UNC5C: variants seen among roughly 807,000 people sequenced by gnomAD.
UNC5C encodes netrin receptor UNC5C.
In UNC5C, 47 loss-of-function variants were observed where a neutral mutation model predicts 99.8. The ratio of observed to expected loss-of-function variants is 0.47; its 90% CI spans 0.37 to 0.60. The LOEUF (loss-of-function observed/expected upper bound fraction) is 0.60. Ranked by LOEUF, UNC5C falls within the 20% of genes least tolerant of loss-of-function variation. The probability of loss-of-function intolerance (pLI) is 0.00; values close to 1 mark genes in which losing one functional copy is unlikely to be tolerated. For missense variants in UNC5C, 1,062 were observed against 1,165.9 expected, an observed-to-expected ratio of 0.91 and a Z score of 1.30; for synonymous variants, 487 against 452.2, an observed-to-expected ratio of 1.08 and a Z score of -0.98.
At chr4:95,335,341 T>C in intron 2 of UNC5C, 69 bp downstream of exon 2, 1 of 1,347,784 alleles carries the variant, frequency 7.4e-7, no homozygotes, top group East Asian at 2.3e-5. Context: ...GAAATAACAG[T>C]ATGTCCACAT....
At chr4:95,520,774 A>AT (rs1284312528) in intron 1 of UNC5C, among the ~76,000 whole-genome samples, 8 of 151,192 alleles carry the variant, frequency 5.3e-5, no homozygotes, top group Non-Finnish European at 1.2e-4. Flanking sequence ...AATTTTTTGT[A>AT]TTTTTTTAGT....
chr4:95,275,259 A>G (rs939309560), intron 4 of UNC5C, among the ~76,000 whole-genome samples: 2 of 152,164 alleles, frequency 1.3e-5, no homozygotes, highest in Non-Finnish European at 2.9e-5. Context: ...CATACCCCAC[A>G]GTGCCAAGAA....
chr4:95,405,082 G>A (rs748940023), intron 1 of UNC5C, among the ~76,000 whole-genome samples: 13 of 152,132 alleles, frequency 8.5e-5, no homozygotes, highest in South Asian at 2.1e-4. Context: ...CGAATCTTCC[G>A]GGATGCTGGA....
chr4:95,231,078 T>C (rs572696137), intron 7 of UNC5C, among the ~76,000 whole-genome samples: 1 of 152,304 alleles, frequency 6.6e-6, no homozygotes, highest in African/African-American at 2.4e-5. Flanking sequence ...AAATGAAATC[T>C]GAAATATCTT....
intron 3 of UNC5C, among the ~76,000 whole-genome samples, chr4:95,292,918 G>T (rs1379531571): frequency 6.6e-6 from 1 of 152,164 alleles, no homozygotes; most frequent in Non-Finnish European, 1.5e-5. Flanking sequence ...CTCTGTCCTT[G>T]TGAAGCTTAC....
chr4:95,489,852 C>T (rs1578191850), intron 1 of UNC5C, among the ~76,000 whole-genome samples: 1 of 151,736 alleles, frequency 6.6e-6, no homozygotes, highest in African/African-American at 2.4e-5. Flanking sequence ...CAAGTGGAGA[C>T]ATTAACTATG....
intron 1 of UNC5C, among the ~76,000 whole-genome samples, chr4:95,425,178 T>C (rs1476391597): frequency 2.0e-5 from 3 of 152,226 alleles, no homozygotes; most frequent in African/African-American, 7.2e-5. Context: ...ACAGGATCCC[T>C]TCCTACCATA....
At chr4:95,449,539 A>G (rs1057430332) in intron 1 of UNC5C, among the ~76,000 whole-genome samples, 2 of 152,244 alleles carry the variant, frequency 1.3e-5, no homozygotes, top group Non-Finnish European at 2.9e-5. Flanking sequence ...TCTCTCATGA[A>G]AAATGTTTCC....
At chr4:95,298,073 C>A (rs1385348220) in intron 3 of UNC5C, among the ~76,000 whole-genome samples, 1 of 152,184 alleles carries the variant, frequency 6.6e-6, no homozygotes, top group East Asian at 1.9e-4. Context: ...TTTTGGGAGG[C>A]TGAAGTGGGC....
At chr4:95,259,050 C>A (rs902096844) in intron 4 of UNC5C, among the ~76,000 whole-genome samples, 46 of 151,740 alleles carry the variant, frequency 3.0e-4, no homozygotes, top group African/African-American at 1.1e-3. Flanking sequence ...CGTGAGCCAC[C>A]GCGCCCGGCC....
At chr4:95,477,072 A>G (rs747167916) in intron 1 of UNC5C, among the ~76,000 whole-genome samples, 1 of 152,130 alleles carries the variant, frequency 6.6e-6, no homozygotes, top group Non-Finnish European at 1.5e-5. Flanking sequence ...GAGAAATGGA[A>G]TGTTCATTTT....
intron 12 of UNC5C, among the ~76,000 whole-genome samples, chr4:95,191,251 C>G (rs1419018272): frequency 6.6e-6 from 1 of 152,322 alleles, no homozygotes; most frequent in Middle Eastern, 3.4e-3. Flanking sequence ...CTCTTGTTGT[C>G]TCTCTGCCTG....
intron 1 of UNC5C, among the ~76,000 whole-genome samples, chr4:95,546,704 GAA>G (rs922053759): frequency 1.3e-5 from 2 of 152,176 alleles, no homozygotes; most frequent in African/African-American, 2.4e-5. Context: ...AAGTGCAAGA[GAA>G]AAAGTCTATC....
intron 4 of UNC5C, among the ~76,000 whole-genome samples, chr4:95,260,249 C>T (rs951158140): frequency 6.6e-6 from 1 of 152,112 alleles, no homozygotes; most frequent in South Asian, 2.1e-4. Flanking sequence ...ACAAAAAAAC[C>T]CCAAAGTAGT....
chr4:95,301,871 T>C lies in UNC5C; in HGVS notation c.347-122A>G, dbSNP rs962794958. 1.3e-5 allele frequency: 16 copies of C among 1,226,428 alleles called. No homozygotes were observed. The African/African-American group carries it at 1.7e-4, about 13-fold the overall frequency. The allele number at this position is 1,226,428 out of a possible 1,614,324, so 76.0% of individuals were successfully genotyped here. ...ATGCCATAGATCAACAACCCAGATA[T>C]TGTCTCTCATCTCTTTTGACTTTCT... On this transcript the variant is annotated intron_variant, in intron 2 of 15. Transcript: ENST00000453304.
intron 1 of UNC5C, among the ~76,000 whole-genome samples, chr4:95,380,019 C>T (rs1745019040): frequency 6.6e-6 from 1 of 152,158 alleles, no homozygotes; most frequent in African/African-American, 2.4e-5. Flanking sequence ...TTTGCTCCTA[C>T]TCCATTAGAA....
In UNC5C at chr4:95,206,620, C is replaced by A. The variant is rs767012691; in HGVS notation, c.1902+8G>T. On this transcript the variant is annotated splice_region_variant and intron_variant, in intron 11 of 15. Coordinates refer to ENST00000453304, the MANE Select transcript of UNC5C (RefSeq NM_003728.4). The stretch of plus-strand genomic sequence containing the variant: ...TTGCATAGCATCTTTATCCCGACAG[C>A]AGCTCACCTCCCACTGTCCCTGTGC... The A allele has an allele frequency of 5.6e-6, 9 of 1,613,904 alleles. No individual in the cohort carries two copies. Among genetic ancestry groups the A allele is most frequent in the Non-Finnish European group, 7.6e-6 (9 of 1,179,968 alleles).
intron 1 of UNC5C, among the ~76,000 whole-genome samples, chr4:95,465,054 G>A (rs139885105): frequency 4.7e-4 from 71 of 152,290 alleles, no homozygotes; most frequent in African/African-American, 1.4e-3. Context: ...GGTGAGAACC[G>A]TGGGACTGCT....
rs542069788 is a variant in UNC5C at position 95,492,636 on chromosome 4, T to A, written c.124+56098A>T. Among the ~76,000 whole-genome samples the A allele has an allele frequency of 2.0e-5, 3 of 151,444 alleles. No homozygotes were observed. In the South Asian group the frequency reaches 6.2e-4, roughly 31 times the overall value. On this transcript the variant is annotated intron_variant, in intron 1 of 15. Transcript: ENST00000453304. The stretch of plus-strand genomic sequence containing the variant: ...AAAATGTAATAATTCCACACAAAAA[T>A]TCACGTTATCACACACACAAAAATC...
Sources: gnomAD v4.1 joint callset for allele counts (sites outside exome capture counted in the v4.1 genomes callset) on GRCh38, gnomAD v4.1.1 for gene constraint, MANE v1.5 for transcripts, NCBI Gene and HGNC (gene_info 2026-07-23, HGNC 2026-07-21) for gene names.